The following CTNND2 variants were observed in gnomAD, a reference collection of about 807,000 sequenced individuals.
CTNND2 encodes catenin delta-2.
A neutral mutation model predicts 144.4 loss-of-function variants in CTNND2; 22 were observed. The observed-to-expected ratio is 0.15, with a 90% CI of 0.11 to 0.22. The LOEUF (loss-of-function observed/expected upper bound fraction) is 0.22, where lower values mean the gene tolerates loss of function less well. Among genes scored for constraint, CTNND2 ranks in the 10% least tolerant of loss-of-function variants. The pLI, the probability that CTNND2 is intolerant of heterozygous loss-of-function variation, is 1.00. For synonymous variants in CTNND2, 751 were observed against 695.6 expected (o/e 1.08, Z -1.25); for missense variants, 1,353 against 1,618.8 (o/e 0.84, Z 2.82).
At chr5:11,532,569 C>T (rs901452216) in intron 3 of CTNND2, among the ~76,000 whole-genome samples, 1 of 152,124 alleles carries the variant, frequency 6.6e-6, no homozygotes, top group Non-Finnish European at 1.5e-5. Context: ...AGGTCATCCA[C>T]CTTGCCAGGG....
chr5:11,513,703 T>A (rs1398092660), intron 3 of CTNND2, among the ~76,000 whole-genome samples: 1 of 151,986 alleles, frequency 6.6e-6, no homozygotes, highest in Non-Finnish European at 1.5e-5. Flanking sequence ...AAAAAAAAAA[T>A]CTCTTTAAGT....
chr5:11,098,667 G>A lies in CTNND2; in HGVS notation c.2545C>T (p.Pro849Ser). 1 of 1,614,168 alleles carries A rather than the reference G, an allele frequency of 6.2e-7. No individual in the cohort carries two copies. The highest frequency in any genetic ancestry group is 8.5e-7 in the Non-Finnish European group (1 of 1,180,016). Reference sequence around the variant, plus strand: ...CACTCAGAGAGCAGTGTGAGGTAGGGTTTGACTATTGATGGGTGCCACAGC... The same window carrying A: ...CACTCAGAGAGCAGTGTGAGGTAGGATTTGACTATTGATGGGTGCCACAGC... ...QMLWHPSIVK[P>S]YLTLLSECSN... The change falls in exon 15 of 22, where the codon CCC becomes TCC. Residue 849 changes from proline (P) to serine (S), a missense_variant. Coordinates refer to ENST00000304623, the MANE Select transcript of CTNND2 (RefSeq NM_001332.4).
chr5:11,312,916 A>C (rs1219325197), intron 9 of CTNND2, among the ~76,000 whole-genome samples: 1 of 152,246 alleles, frequency 6.6e-6, no homozygotes, highest in African/African-American at 2.4e-5. Flanking sequence ...CACCATTAAA[A>C]TCAATTCAAA....
chr5:11,627,606 C>T (rs899859008), intron 2 of CTNND2, among the ~76,000 whole-genome samples: 4 of 151,872 alleles, frequency 2.6e-5, no homozygotes, highest in African/African-American at 9.7e-5. Flanking sequence ...TTTGCTATTT[C>T]AAATGATGAG....
At chr5:11,096,661 G>A (rs1751380554) in intron 15 of CTNND2, among the ~76,000 whole-genome samples, 1 of 152,126 alleles carries the variant, frequency 6.6e-6, no homozygotes, top group Non-Finnish European at 1.5e-5. Flanking sequence ...TCTTCTAGAG[G>A]CCAAAGATAT....
intron 10 of CTNND2, among the ~76,000 whole-genome samples, chr5:11,218,078 T>A (rs920430384): frequency 6.6e-6 from 1 of 151,504 alleles, no homozygotes; most frequent in Non-Finnish European, 1.5e-5. Flanking sequence ...TTCCTTCCTT[T>A]TCCTCTTCAT....
rs377477625 is a variant in CTNND2, at chr5:11,182,087, TG to T, written c.1975+17360del. ...GTGTGTGTGGTGTGTGTGGTATGTG[TG>T]GGGTGTGTGTGGATGGAGTGTGTGT... On this transcript the variant is annotated intron_variant, in intron 11 of 21. Coordinates refer to ENST00000304623, the MANE Select transcript of CTNND2 (RefSeq NM_001332.4). Among the ~76,000 whole-genome samples the T allele has an allele frequency of 1.8e-3, 244 of 132,690 alleles. 1 individual carries two copies. The highest frequency in any genetic ancestry group is 6.5e-3 in the African/African-American group (225 of 34,806). The allele number at this position is 132,690 out of a possible 152,430, so 87.0% of individuals were successfully genotyped here. A position where few individuals can be genotyped will look rare whatever the true frequency, so the allele number is the denominator to read the frequency against.
intron 8 of CTNND2, among the ~76,000 whole-genome samples, chr5:11,360,344 C>T (rs571323635): frequency 3.2e-4 from 49 of 152,172 alleles, no homozygotes; most frequent in African/African-American, 1.2e-3. Flanking sequence ...CTTCTCTGTG[C>T]AGTTATCTCC....
intron 3 of CTNND2, among the ~76,000 whole-genome samples, chr5:11,444,091 C>T (rs1019811227): frequency 2.0e-5 from 3 of 152,260 alleles, no homozygotes; most frequent in East Asian, 1.9e-4. Flanking sequence ...TGGGCTACCT[C>T]GGCATTGACT....
At chr5:11,269,826 T>A (rs373411807) in intron 9 of CTNND2, among the ~76,000 whole-genome samples, 29 of 152,102 alleles carry the variant, frequency 1.9e-4, no homozygotes, top group African/African-American at 6.8e-4. Flanking sequence ...TTTACTTCAA[T>A]ATAACATAAA....
intron 3 of CTNND2, among the ~76,000 whole-genome samples, chr5:11,491,879 G>A (rs26152): frequency 0.62 from 93,934 of 152,092 alleles, 30,095 homozygotes; most frequent in African/African-American, 0.78. Flanking sequence ...ACGCATTCTA[G>A]TTACCATTGA....
intron 1 of CTNND2, among the ~76,000 whole-genome samples, chr5:11,783,482 T>C (rs1202020787): frequency 6.6e-6 from 1 of 152,152 alleles, no homozygotes; most frequent in Non-Finnish European, 1.5e-5. Context: ...ATGTATGTGC[T>C]TCCGCATCGG....
At chr5:11,376,757 G>A (rs1182910450) in intron 7 of CTNND2, among the ~76,000 whole-genome samples, 2 of 152,092 alleles carry the variant, frequency 1.3e-5, no homozygotes, top group Non-Finnish European at 2.9e-5. Flanking sequence ...CATTTTGGTA[G>A]GAGAGATGTT....
intron 2 of CTNND2, among the ~76,000 whole-genome samples, chr5:11,622,317 TG>T (rs1451951481): frequency 6.6e-6 from 1 of 152,160 alleles, no homozygotes; most frequent in Admixed American, 6.6e-5. Context: ...CTTATTTTCT[TG>T]CCAGCATAAA....
intron 9 of CTNND2, among the ~76,000 whole-genome samples, chr5:11,329,346 C>T (rs542255014): frequency 2.7e-4 from 41 of 152,120 alleles, no homozygotes; most frequent in African/African-American, 8.7e-4. Flanking sequence ...GTAGAGATGG[C>T]GTTTCATCAT....
At chr5:11,602,327 G>A (rs1252497442) in intron 2 of CTNND2, among the ~76,000 whole-genome samples, 1 of 151,946 alleles carries the variant, frequency 6.6e-6, no homozygotes, top group Non-Finnish European at 1.5e-5. Context: ...TTTGTCATCT[G>A]GGAAGATCTG....
chr5:11,847,128 T>TA (rs1794776018), intron 1 of CTNND2, among the ~76,000 whole-genome samples: 1 of 72,454 alleles, frequency 1.4e-5, no homozygotes, highest in African/African-American at 7.1e-5. Context: ...GTCAAAGATT[T>TA]TATATATATA....
chr5:11,199,403 A>T, intron 11 of CTNND2, 45 bp downstream of exon 11: 2 of 1,541,342 alleles, frequency 1.3e-6, no homozygotes, highest in Non-Finnish European at 1.8e-6. Context: ...GATAATGGAA[A>T]GTTTATCTTG....
chr5:11,344,235 AC>A (rs1754540834), intron 9 of CTNND2, among the ~76,000 whole-genome samples: 1 of 152,184 alleles, frequency 6.6e-6, no homozygotes, highest in South Asian at 2.1e-4. Context: ...TACTAAAAAT[AC>A]AAAAAATTAG....
Sources: gnomAD v4.1 joint callset for allele counts (sites outside exome capture counted in the v4.1 genomes callset) on GRCh38, gnomAD v4.1.1 for gene constraint, MANE v1.5 for transcripts, NCBI Gene and HGNC (gene_info 2026-07-23, HGNC 2026-07-21) for gene names.